Variants in PARPBP observed in about 807,000 individuals in gnomAD.
PARPBP encodes the protein PARP1 binding protein, also known as PCNA-interacting partner.
Under a neutral mutation model 50.0 loss-of-function variants are expected in PARPBP, and 52 were observed. That is an observed-to-expected ratio of 1.04 (90% CI 0.83 to 1.31). PARPBP has a LOEUF of 1.31. Among genes scored for constraint, PARPBP ranks in the 50% most tolerant of loss-of-function variants. The pLI is 0.00. For missense variants in PARPBP, 697 were observed against 672.0 expected, an observed-to-expected ratio of 1.04 and a Z score of -0.41; for synonymous variants, 244 against 232.1, an observed-to-expected ratio of 1.05 and a Z score of -0.47.
intron 6 of PARPBP, among the ~76,000 whole-genome samples, chr12:102,175,172 A>G (rs941116398): frequency 6.6e-6 from 1 of 152,230 alleles, no homozygotes. Flanking sequence ...ATCTAAAGGT[A>G]TATATTTTAA....
chr12:102,141,431 C>T (rs1010694050), intron 2 of PARPBP, among the ~76,000 whole-genome samples: 1 of 152,072 alleles, frequency 6.6e-6, no homozygotes, highest in South Asian at 2.1e-4. Flanking sequence ...GGTCTTGACT[C>T]TTTATCCAAT....
At position 102,175,627 on chromosome 12, in the gene PARPBP, T is replaced by C. The variant is rs1219724680; in HGVS notation, c.966T>C (p.Gly322=). Residue 322 remains glycine, a synonymous_variant, in exon 7 of 11, where the codon GGT becomes GGC. Coordinates refer to ENST00000327680, the MANE Select transcript of PARPBP (RefSeq NM_017915.5). The part of the protein sequence containing the change: ...RIKNIINSQE[G]VVALSTTDIS... Reference sequence around the variant, plus strand: ...AAAATATTATCAATTCTCAAGAAGGTGTTGTAGCTCTTAGCACCACTGACA... The same window carrying C: ...AAAATATTATCAATTCTCAAGAAGGCGTTGTAGCTCTTAGCACCACTGACA... The C allele has an allele frequency of 3.1e-6, 5 of 1,613,534 alleles. No homozygotes were observed. The highest frequency in any genetic ancestry group is 4.2e-6 in the Non-Finnish European group (5 of 1,179,544).
chr12:102,121,359 T>TA (rs1027903313), intron 1 of PARPBP, among the ~76,000 whole-genome samples: 1 of 152,130 alleles, frequency 6.6e-6, no homozygotes, highest in African/African-American at 2.4e-5. Context: ...TCAGTGTCCA[T>TA]AAAAAAAGTT....
At chr12:102,141,775 G>T (rs867239076) in intron 2 of PARPBP, among the ~76,000 whole-genome samples, 1 of 152,266 alleles carries the variant, frequency 6.6e-6, no homozygotes, top group African/African-American at 2.4e-5. Context: ...GAAATTCTGG[G>T]TTGAAAATTC....
chr12:102,148,211 TTG>T lies in PARPBP; in HGVS notation c.154-18_154-17del. ...GTACCCAACTTTATTTTTTTTTTTTTTGGCATTATCTTTTTCAGCACAGTGGA... is the reference window on the plus strand; with the variant it reads ...GTACCCAACTTTATTTTTTTTTTTTTGCATTATCTTTTTCAGCACAGTGGA... On this transcript the variant is annotated splice_polypyrimidine_tract_variant and intron_variant, in intron 2 of 10. Coordinates refer to ENST00000327680, the MANE Select transcript of PARPBP (RefSeq NM_017915.5). 4.7e-6 allele frequency: 5 copies of T among 1,057,512 alleles called. No homozygotes were observed. The highest frequency in any genetic ancestry group is 2.5e-5 in the East Asian group (1 of 40,062). 65.5% of individuals were successfully genotyped at this position (1,057,512 alleles called of 1,614,324 possible).
At chr12:102,193,478 C>A (rs1890993003) in intron 9 of PARPBP, among the ~76,000 whole-genome samples, 1 of 151,968 alleles carries the variant, frequency 6.6e-6, no homozygotes, top group Non-Finnish European at 1.5e-5. Flanking sequence ...AGCCACTCAG[C>A]ATCTATTTGC....
intron 6 of PARPBP, among the ~76,000 whole-genome samples, chr12:102,171,868 CAA>C (rs754077504): frequency 9.9e-6 from 1 of 100,860 alleles, no homozygotes. Context: ...GACTCCGCCT[CAA>C]AAAAAAAAAA....
chr12:102,180,275 T>C (rs946258673), intron 8 of PARPBP, among the ~76,000 whole-genome samples: 1 of 152,248 alleles, frequency 6.6e-6, no homozygotes, highest in African/African-American at 2.4e-5. Context: ...TTACTTCTGT[T>C]TAACAAGTTT....
At chr12:102,173,752 A>G (rs573171777) in intron 6 of PARPBP, among the ~76,000 whole-genome samples, 1 of 151,806 alleles carries the variant, frequency 6.6e-6, no homozygotes, top group African/African-American at 2.4e-5. Flanking sequence ...TATCCTGATC[A>G]CAGTGTTACT....
At chr12:102,132,566 A>G (rs1246637636) in intron 2 of PARPBP, among the ~76,000 whole-genome samples, 5 of 152,186 alleles carry the variant, frequency 3.3e-5, no homozygotes, top group Non-Finnish European at 7.4e-5. Flanking sequence ...GTTTTGTAGT[A>G]TAGTTTGAAG....
chr12:102,147,681 A>T (rs987624826), intron 2 of PARPBP, among the ~76,000 whole-genome samples: 4 of 152,034 alleles, frequency 2.6e-5, no homozygotes, highest in Non-Finnish European at 4.4e-5. Context: ...TAACCTGCAC[A>T]TTGTGCACAT....
chr12:102,146,756 A>G (rs1290005201), intron 2 of PARPBP, among the ~76,000 whole-genome samples: 1 of 152,214 alleles, frequency 6.6e-6, no homozygotes, highest in Non-Finnish European at 1.5e-5. Flanking sequence ...ACAGCAAAAG[A>G]AACTACCGTC....
chr12:102,191,444 A>G (rs1298468818), intron 9 of PARPBP, among the ~76,000 whole-genome samples: 2 of 152,158 alleles, frequency 1.3e-5, no homozygotes, highest in African/African-American at 2.4e-5. Flanking sequence ...AGGTAAACTT[A>G]GAATATTTTT....
At chr12:102,177,130 A>G (rs562804117) in intron 7 of PARPBP, among the ~76,000 whole-genome samples, 59 of 152,364 alleles carry the variant, frequency 3.9e-4, no homozygotes, top group African/African-American at 1.3e-3. Context: ...TGAAAAATAT[A>G]TGTGAAGCAC....
At chr12:102,123,264 C>T (rs967064328) in intron 1 of PARPBP, among the ~76,000 whole-genome samples, 1 of 152,174 alleles carries the variant, frequency 6.6e-6, no homozygotes, top group African/African-American at 2.4e-5. Flanking sequence ...TGGAAACACT[C>T]CTGAAATCTA....
intron 9 of PARPBP, among the ~76,000 whole-genome samples, chr12:102,187,936 G>A (rs1284916688): frequency 6.6e-6 from 1 of 152,170 alleles, no homozygotes; most frequent in African/African-American, 2.4e-5. Flanking sequence ...AATCTGGACA[G>A]GATAACATCC....
intron 4 of PARPBP, among the ~76,000 whole-genome samples, chr12:102,159,020 T>C (rs980809035): frequency 6.6e-6 from 1 of 152,240 alleles, no homozygotes; most frequent in African/African-American, 2.4e-5. Context: ...GTTCAACTAA[T>C]GGATTTGATT....
At chr12:102,195,222 C>A in intron 9 of PARPBP, 90 bp from the exon 10 acceptor site, 1 of 724,802 alleles carries the variant, frequency 1.4e-6, no homozygotes, top group Non-Finnish European at 2.1e-6. Flanking sequence ...AATTTTTATA[C>A]CTTGATTACT....
At chr12:102,180,767 A>T (rs982479901) in intron 8 of PARPBP, among the ~76,000 whole-genome samples, 1 of 152,226 alleles carries the variant, frequency 6.6e-6, no homozygotes, top group African/African-American at 2.4e-5. Flanking sequence ...TATTGTTCAC[A>T]GTTTGGATTC....
Sources: allele counts gnomAD v4.1 joint callset (sites outside exome capture counted in the v4.1 genomes callset), GRCh38; gene constraint gnomAD v4.1.1; transcripts MANE v1.5; gene names NCBI Gene and HGNC (gene_info 2026-07-23, HGNC 2026-07-21).